Variants in LEKR1 observed in about 807,000 individuals in gnomAD.
The protein encoded by LEKR1 is leucine, glutamate and lysine rich 1, also known as protein LEKR1.
In LEKR1, 59 loss-of-function variants were observed where a neutral mutation model predicts 72.4. The observed-to-expected ratio is 0.82, with a 90% CI of 0.66 to 1.01. The LOEUF (loss-of-function observed/expected upper bound fraction) is 1.01. Among genes scored for constraint, LEKR1 ranks in the 50% least tolerant of loss-of-function variants. The pLI is 0.00. For synonymous variants in LEKR1, 257 were observed against 263.2 expected, an observed-to-expected ratio of 0.98 and a Z score of 0.23; for missense variants, 728 against 759.2, an observed-to-expected ratio of 0.96 and a Z score of 0.48.
At chr3:157,028,448 T>C (rs751299570) in intron 12 of LEKR1, 46 bp downstream of exon 12, 3 of 1,475,638 alleles carry the variant, frequency 2.0e-6, no homozygotes, top group Non-Finnish European at 2.7e-6. Flanking sequence ...AAAGAGCACA[T>C]GTTCTTTCAA....
chr3:156,936,997 C>A (rs1196188165), intron 5 of LEKR1, among the ~76,000 whole-genome samples: 1 of 152,056 alleles, frequency 6.6e-6, no homozygotes, highest in African/African-American at 2.4e-5. Flanking sequence ...AGAACTTTTG[C>A]AGAGTGTAGT....
chr3:157,023,571 A>T (rs1435539417), intron 10 of LEKR1, among the ~76,000 whole-genome samples: 1 of 151,960 alleles, frequency 6.6e-6, no homozygotes, highest in Admixed American at 6.6e-5. Flanking sequence ...TTAAATTCCT[A>T]CTCATGTTAG....
intron 3 of LEKR1, among the ~76,000 whole-genome samples, chr3:156,894,705 A>G (rs893709284): frequency 2.6e-5 from 4 of 152,310 alleles, no homozygotes; most frequent in African/African-American, 9.6e-5. Flanking sequence ...ACATAAACCA[A>G]TAGAACAGGA....
chr3:156,968,363 G>A (rs1033433247), intron 6 of LEKR1, among the ~76,000 whole-genome samples: 10 of 152,284 alleles, frequency 6.6e-5, no homozygotes, highest in African/African-American at 2.2e-4. Flanking sequence ...CCATCAGTGT[G>A]CTGTATTCAG....
At chr3:157,030,301 T>G (rs1276089583) in intron 12 of LEKR1, among the ~76,000 whole-genome samples, 1 of 152,122 alleles carries the variant, frequency 6.6e-6, no homozygotes, top group Non-Finnish European at 1.5e-5. Flanking sequence ...ACCTCCAACA[T>G]TGAGGATTAC....
intron 6 of LEKR1, among the ~76,000 whole-genome samples, chr3:156,970,924 C>T (rs76563921): frequency 0.59 from 88,354 of 150,968 alleles, 26,713 homozygotes; most frequent in East Asian, 0.73. Flanking sequence ...CCAAGGTAAT[C>T]TATAGATTCA....
chr3:156,996,196 A>C (rs1020696179), intron 9 of LEKR1, among the ~76,000 whole-genome samples: 1 of 152,144 alleles, frequency 6.6e-6, no homozygotes, highest in East Asian at 1.9e-4. Flanking sequence ...AATAATTATA[A>C]ATTGTGATAA....
chr3:157,037,439 A>T (rs13082176), intron 12 of LEKR1, among the ~76,000 whole-genome samples: 82,956 of 152,114 alleles, frequency 0.55, 26,313 homozygotes, highest in South Asian at 0.78. Flanking sequence ...GGAATATTGA[A>T]GAAAAATCAG....
intron 3 of LEKR1, among the ~76,000 whole-genome samples, chr3:156,908,391 G>A (rs956415918): frequency 6.6e-6 from 1 of 151,936 alleles, no homozygotes; most frequent in African/African-American, 2.4e-5. Flanking sequence ...TGTATTAATT[G>A]GAAATTTTCT....
At chr3:156,931,127 C>T (rs1197934029) in intron 5 of LEKR1, among the ~76,000 whole-genome samples, 1 of 152,040 alleles carries the variant, frequency 6.6e-6, no homozygotes, top group African/African-American at 2.4e-5. Flanking sequence ...ATAGTTAAAT[C>T]AGAGAAAATA....
chr3:156,830,527 A>C (rs543117304), intron 2 of LEKR1, among the ~76,000 whole-genome samples: 86 of 152,346 alleles, frequency 5.6e-4, no homozygotes, highest in Non-Finnish European at 1.0e-3. Flanking sequence ...TGTATATATA[A>C]AGGAAATTTA....
chr3:156,992,072 AT>A (rs1731180253), intron 7 of LEKR1, among the ~76,000 whole-genome samples: 1 of 152,218 alleles, frequency 6.6e-6, no homozygotes, highest in Non-Finnish European at 1.5e-5. Context: ...TGCTTGGAAT[AT>A]GCTTAATACA....
rs768665005 is a variant in LEKR1, at chr3:157,024,766, G to A, written c.1210G>A (p.Ala404Thr). The A allele has an allele frequency of 1.9e-6, 3 of 1,604,526 alleles. No homozygotes were observed. Among genetic ancestry groups the A allele is most frequent in the East Asian group, 2.2e-5 (1 of 44,764 alleles). The change falls in exon 11 of 13, where the codon GCA becomes ACA. Residue 404 changes from alanine (A) to threonine (T), a missense_variant. Transcript: ENST00000356539. ...SDDNWKEKIE[A>T]ELAKERAQHL... ...CTTTAAATGCCATTTCTAGATTGAAGCAGAACTTGCCAAGGAAAGGGCCCA... is the reference window on the plus strand; with the variant it reads ...CTTTAAATGCCATTTCTAGATTGAAACAGAACTTGCCAAGGAAAGGGCCCA...
Position 157,028,231 on chromosome 3 carries a change from T to A in LEKR1, c.1497T>A (p.Asn499Lys). 1.2e-6 allele frequency: 2 copies of A among 1,613,356 alleles called. No individual in the cohort carries two copies. Among genetic ancestry groups the A allele is most frequent in the Non-Finnish European group, 8.5e-7 (1 of 1,179,638 alleles). The stretch of plus-strand genomic sequence containing the variant: ...ATTCAAAGGAAAAAGAAATTGAAAA[T>A]CTTAAAAATTTGGTTGCAGAATTTG... The part of the protein sequence containing the change: ...ESNSKEKEIE[N>K]LKNLVAEFES... Residue 499 changes from asparagine (N) to lysine (K), a missense_variant, in exon 12 of 13, where the codon AAT becomes AAA. Transcript: ENST00000356539.
In LEKR1 at chr3:156,835,776, C is replaced by T. The variant is rs77270105; in HGVS notation, c.48+6399C>T. On this transcript the variant is annotated intron_variant, in intron 2 of 12. Transcript: ENST00000356539. Reference sequence around the variant, plus strand: ...AAAAGTTCTCTCGTAAAGCCTCTCTCATAAAGCGATTCCTTCCTCCCTTCC... The same window carrying T: ...AAAAGTTCTCTCGTAAAGCCTCTCTTATAAAGCGATTCCTTCCTCCCTTCC... Among the ~76,000 whole-genome samples the T allele has an allele frequency of 8.2e-3, 1,235 of 150,766 alleles. 12 individuals are homozygous for T. The highest frequency in any genetic ancestry group is 0.042 in the Middle Eastern group (12 of 288).
At chr3:156,904,372 C>T (rs910134068) in intron 3 of LEKR1, among the ~76,000 whole-genome samples, 2 of 150,296 alleles carry the variant, frequency 1.3e-5, no homozygotes, top group African/African-American at 2.4e-5. Context: ...ACCCTTTTGC[C>T]TCCTTTTTGT....
intron 3 of LEKR1, among the ~76,000 whole-genome samples, chr3:156,916,595 AT>A (rs1560077742): frequency 6.6e-6 from 1 of 152,066 alleles, no homozygotes; most frequent in African/African-American, 2.4e-5. Flanking sequence ...TGATTTTTGT[AT>A]GTTGATTTTG....
At chr3:156,968,574 A>G (rs906482032) in intron 6 of LEKR1, among the ~76,000 whole-genome samples, 4 of 152,234 alleles carry the variant, frequency 2.6e-5, no homozygotes, top group Admixed American at 6.5e-5. Flanking sequence ...AGAGCTAACT[A>G]TCCTAAATAT....
At chr3:156,843,948 T>C (rs1714255094) in intron 2 of LEKR1, among the ~76,000 whole-genome samples, 5 of 152,162 alleles carry the variant, frequency 3.3e-5, no homozygotes. Context: ...TATTCACTTA[T>C]TTTTGTGACC....
Sources: gnomAD v4.1 joint callset for allele counts (sites outside exome capture counted in the v4.1 genomes callset) on GRCh38, gnomAD v4.1.1 for gene constraint, MANE v1.5 for transcripts, NCBI Gene and HGNC (gene_info 2026-07-23, HGNC 2026-07-21) for gene names.